Variants in DSCAM observed in about 807,000 individuals in gnomAD.
The protein encoded by DSCAM is DS cell adhesion molecule, also known as cell adhesion molecule DSCAM.
A neutral mutation model predicts 217.7 loss-of-function variants in DSCAM; 47 were observed. That is an observed-to-expected ratio of 0.22 (90% confidence interval 0.17 to 0.28). The LOEUF is 0.28. Ranked by LOEUF, DSCAM falls within the 10% of genes least tolerant of loss-of-function variation. The pLI is 1.00. For missense variants in DSCAM, 2,080 were observed against 2,618.3 expected (o/e 0.79, Z 4.49); for synonymous variants, 1,056 against 1,015.3 (o/e 1.04, Z -0.76).
At chr21:40,575,118 C>T (rs1209019743) in intron 3 of DSCAM, among the ~76,000 whole-genome samples, 1 of 152,028 alleles carries the variant, frequency 6.6e-6, no homozygotes, top group Non-Finnish European at 1.5e-5. Flanking sequence ...GTGAAAATGG[C>T]CAGTCCTTGC....
chr21:40,481,316 C>T (rs560850058), intron 3 of DSCAM, among the ~76,000 whole-genome samples: 66 of 152,010 alleles, frequency 4.3e-4, no homozygotes, highest in Non-Finnish European at 8.7e-4. Context: ...GGTGAAACCC[C>T]GTCTCTACTA....
At chr21:40,805,063 C>T (rs1400661757) in intron 1 of DSCAM, among the ~76,000 whole-genome samples, 4 of 152,182 alleles carry the variant, frequency 2.6e-5, no homozygotes, top group Non-Finnish European at 5.9e-5. Flanking sequence ...TTCCCCCCAA[C>T]TCCTAGGGAG....
At chr21:40,471,885 C>T (rs1161873091) in intron 3 of DSCAM, among the ~76,000 whole-genome samples, 1 of 152,094 alleles carries the variant, frequency 6.6e-6, no homozygotes, top group Non-Finnish European at 1.5e-5. Flanking sequence ...TGTTGGTGTG[C>T]TGCACCCGTT....
At chr21:40,570,404 G>A (rs1037042261) in intron 3 of DSCAM, among the ~76,000 whole-genome samples, 12 of 152,190 alleles carry the variant, frequency 7.9e-5, no homozygotes, top group Non-Finnish European at 1.6e-4. Flanking sequence ...TCACCAGCCC[G>A]ACAGAAGGAC....
At chr21:40,156,287 C>CAGACAGAGAG (rs2090475990) in intron 16 of DSCAM, among the ~76,000 whole-genome samples, 3 of 75,700 alleles carry the variant, frequency 4.0e-5, no homozygotes, top group Non-Finnish European at 7.8e-5. Context: ...CAAACTAAGA[C>CAGACAGAGAG]AGAGAGAGAG....
At chr21:40,836,542 T>C (rs28408389) in intron 1 of DSCAM, among the ~76,000 whole-genome samples, 52,189 of 152,024 alleles carry the variant, frequency 0.34, 9,401 homozygotes, top group African/African-American at 0.46. Flanking sequence ...GACCTAACCC[T>C]GTATACAGAC....
At chr21:40,269,429 T>C (rs1470596417) in intron 11 of DSCAM, among the ~76,000 whole-genome samples, 1 of 152,208 alleles carries the variant, frequency 6.6e-6, no homozygotes, top group African/African-American at 2.4e-5. Flanking sequence ...GTGGCTTTGA[T>C]GGATTCGGAC....
chr21:40,578,791 TG>T (rs1340998219), intron 3 of DSCAM, among the ~76,000 whole-genome samples: 6 of 152,142 alleles, frequency 3.9e-5, no homozygotes, highest in Non-Finnish European at 7.3e-5. Context: ...AGATGTATGA[TG>T]GGGTTGTTGG....
chr21:40,340,496 C>T (rs1046163364), intron 6 of DSCAM, among the ~76,000 whole-genome samples: 1 of 152,128 alleles, frequency 6.6e-6, no homozygotes, highest in Admixed American at 6.6e-5. Context: ...GTCAGCCAGC[C>T]TCAGGCATAC....
intron 3 of DSCAM, among the ~76,000 whole-genome samples, chr21:40,675,555 G>T (rs1295807698): frequency 6.6e-6 from 1 of 152,128 alleles, no homozygotes; most frequent in African/African-American, 2.4e-5. Flanking sequence ...CTAAGAAAGG[G>T]TTGGAGACTA....
At position 40,643,590 on chromosome 21, in the gene DSCAM, T is replaced by C. The variant is rs181259766; in HGVS notation, c.508+49220A>G. 2.0e-5 allele frequency among the ~76,000 whole-genome samples: 3 copies of C among 152,312 alleles called. No individual in the cohort carries two copies. In the East Asian group the frequency reaches 5.8e-4, roughly 29 times the overall value. On this transcript the variant is annotated intron_variant, in intron 3 of 32. Coordinates refer to ENST00000400454, the MANE Select transcript of DSCAM (RefSeq NM_001389.5). ...GCCGGCCAAGAGTGGACTCTTTTGC[T>C]TTGCTGTTGGCTGAATGGTGTCTCA...
intron 3 of DSCAM, among the ~76,000 whole-genome samples, chr21:40,578,165 G>T (rs111298528): frequency 6.6e-6 from 1 of 152,158 alleles, no homozygotes; most frequent in African/African-American, 2.4e-5. Context: ...GGCTAACACC[G>T]TCACAGCCTA....
intron 32 of DSCAM, among the ~76,000 whole-genome samples, chr21:40,028,718 T>C (rs2088450012): frequency 6.6e-6 from 1 of 152,050 alleles, no homozygotes; most frequent in Non-Finnish European, 1.5e-5. Context: ...TCACGCACAG[T>C]GTGCGCACCC....
chr21:40,056,266 G>C (rs1223789723), intron 28 of DSCAM, among the ~76,000 whole-genome samples: 1 of 152,208 alleles, frequency 6.6e-6, no homozygotes, highest in Admixed American at 6.5e-5. Context: ...TGCACCAGCT[G>C]TTTGTCGGAT....
intron 11 of DSCAM, among the ~76,000 whole-genome samples, chr21:40,254,387 G>A (rs1428975916): frequency 1.3e-5 from 2 of 152,182 alleles, no homozygotes; most frequent in African/African-American, 4.8e-5. Context: ...GGAAGGTGGT[G>A]ATGGGAGCAA....
chr21:40,818,138 G>A (rs534425808), intron 1 of DSCAM, among the ~76,000 whole-genome samples: 51 of 149,730 alleles, frequency 3.4e-4, no homozygotes, highest in Middle Eastern at 3.5e-3. Context: ...AGAAGCTCCC[G>A]GTGATGAAAG....
At chr21:40,291,122 G>T (rs1388777787) in intron 10 of DSCAM, among the ~76,000 whole-genome samples, 5 of 152,252 alleles carry the variant, frequency 3.3e-5, no homozygotes, top group African/African-American at 1.2e-4. Flanking sequence ...ACTGCCTGGG[G>T]TTCTCCCCTT....
intron 10 of DSCAM, among the ~76,000 whole-genome samples, chr21:40,291,543 G>A (rs1205314323): frequency 2.0e-5 from 3 of 152,120 alleles, no homozygotes; most frequent in East Asian, 3.9e-4. Context: ...CAGCTGTAAT[G>A]TCCTCCTTGG....
intron 3 of DSCAM, among the ~76,000 whole-genome samples, chr21:40,519,690 C>T (rs2076342979): frequency 6.6e-6 from 1 of 152,112 alleles, no homozygotes; most frequent in African/African-American, 2.4e-5. Context: ...GACTAAGACA[C>T]CCAGAGGAGA....
Sources: gnomAD v4.1 joint callset for allele counts (sites outside exome capture counted in the v4.1 genomes callset) on GRCh38, gnomAD v4.1.1 for gene constraint, MANE v1.5 for transcripts, NCBI Gene and HGNC (gene_info 2026-07-23, HGNC 2026-07-21) for gene names.